The following KIAA1671 variants were observed in gnomAD, a reference collection of about 807,000 sequenced individuals.
KIAA1671 encodes the protein KIAA1671, also known as uncharacterized protein KIAA1671.
KIAA1671 carries 52 observed loss-of-function variants against 131.2 expected under a neutral mutation model. That is an observed-to-expected ratio of 0.40 (90% CI 0.32 to 0.50). The LOEUF is 0.50. Among genes scored for constraint, KIAA1671 ranks in the 20% least tolerant of loss-of-function variants. KIAA1671 has a pLI of 0.73. For synonymous variants in KIAA1671, 1,003 were observed against 961.6 expected (o/e 1.04, Z -0.80); for missense variants, 2,360 against 2,364.2 (o/e 1.00, Z 0.04).
intron 6 of KIAA1671, among the ~76,000 whole-genome samples, chr22:25,086,716 G>C (rs542618132): frequency 6.6e-6 from 1 of 152,258 alleles, no homozygotes; most frequent in East Asian, 1.9e-4. Context: ...ATCCCCCAAA[G>C]GCCGGCCAGA....
intron 1 of KIAA1671, among the ~76,000 whole-genome samples, chr22:24,958,088 A>T (rs1430211575): frequency 2.0e-5 from 3 of 151,342 alleles, no homozygotes; most frequent in East Asian, 3.9e-4. Context: ...CTGCGAGGTC[A>T]CGCAGCGGGA....
chr22:25,184,139 T>C (rs1354073598), intron 10 of KIAA1671, among the ~76,000 whole-genome samples: 1 of 151,994 alleles, frequency 6.6e-6, no homozygotes, highest in African/African-American at 2.4e-5. Context: ...CCAGGGGAGG[T>C]TGCAGGGCTT....
intron 5 of KIAA1671, among the ~76,000 whole-genome samples, chr22:25,044,994 A>G (rs1393492395): frequency 1.3e-5 from 2 of 152,184 alleles, no homozygotes; most frequent in Non-Finnish European, 2.9e-5. Flanking sequence ...CCCTGTCTCT[A>G]CTAAAACTAC....
At chr22:25,137,708 T>C (rs545188807) in intron 6 of KIAA1671, among the ~76,000 whole-genome samples, 23 of 152,234 alleles carry the variant, frequency 1.5e-4, no homozygotes, top group Non-Finnish European at 2.5e-4. Context: ...ATCACTGTTA[T>C]TTACCATTGT....
chr22:25,185,269 TC>T, intron 11 of KIAA1671, 150 bp downstream of exon 11: 4 of 900,424 alleles, frequency 4.4e-6, no homozygotes, highest in Non-Finnish European at 6.5e-6. Context: ...ATGAGAATTC[TC>T]AATACTCAGA....
At chr22:25,184,014 C>T (rs923371557) in intron 10 of KIAA1671, among the ~76,000 whole-genome samples, 1 of 152,240 alleles carries the variant, frequency 6.6e-6, no homozygotes, top group Non-Finnish European at 1.5e-5. Flanking sequence ...CTTGGGATTC[C>T]AGAACACAGC....
At position 25,041,012 on chromosome 22, in the gene KIAA1671, T is replaced by A; in HGVS notation, c.3882T>A (p.Pro1294=). 3.4e-6 allele frequency: 5 copies of A among 1,480,650 alleles called. No individual in the cohort carries two copies. The South Asian group carries it at 7.0e-5, about 21-fold the overall frequency. 91.7% of individuals were successfully genotyped at this position (1,480,650 alleles called of 1,614,324 possible). A position where few individuals can be genotyped will look rare whatever the true frequency, so the allele number is the denominator to read the frequency against. The change falls in exon 5 of 13, where the codon CCT becomes CCA. Residue 1294 remains proline (P), a synonymous_variant. Transcript: ENST00000358431. ...LETAMGTKSS[P]PFWALPPSAP... is the part of the protein sequence containing the mutation. Reference sequence around the variant, plus strand: ...CAGCCATGGGCACCAAATCTAGCCCTCCCTTCTGGGCTCTGCCACCCTCGG... The same window carrying A: ...CAGCCATGGGCACCAAATCTAGCCCACCCTTCTGGGCTCTGCCACCCTCGG...
intron 6 of KIAA1671, among the ~76,000 whole-genome samples, chr22:25,086,025 T>C (rs545115758): frequency 6.6e-6 from 1 of 152,310 alleles, no homozygotes; most frequent in Non-Finnish European, 1.5e-5. Flanking sequence ...ATGAATGTTA[T>C]GCTGAATGAA....
At chr22:25,098,406 C>G (rs1930493039) in intron 6 of KIAA1671, among the ~76,000 whole-genome samples, 4 of 152,126 alleles carry the variant, frequency 2.6e-5, no homozygotes, top group Admixed American at 2.6e-4. Context: ...ATAGCAGAGA[C>G]TAAGACATAG....
intron 1 of KIAA1671, among the ~76,000 whole-genome samples, chr22:24,985,303 G>C (rs977501107): frequency 2.0e-5 from 3 of 151,926 alleles, no homozygotes; most frequent in African/African-American, 4.8e-5. Context: ...AATTCCCTGT[G>C]GAGTGAAAGG....
rs1352959333 is a variant in KIAA1671, at chr22:25,028,735, A to G, written c.736A>G (p.Ile246Val). The G allele has an allele frequency of 1.9e-6, 3 of 1,551,124 alleles. No homozygotes were observed. Among genetic ancestry groups the G allele is most frequent in the South Asian group, 1.2e-5 (1 of 84,066 alleles). The part of the protein sequence containing the change: ...PRLKRRPVSA[I>V]FTESIQPQKP... ...CCTGAAGAGAAGGCCCGTGTCTGCC[A>G]TTTTCACGGAGTCCATTCAGCCTCA... Residue 246 changes from isoleucine (I) to valine (V), a missense_variant, in exon 3 of 13, where the codon ATT becomes GTT. Around this residue, in one of 3 missense-constraint regions of KIAA1671, gnomAD observed 1,185 missense variants for 1,126.2 expected, o/e 1.05. Transcript: ENST00000358431.
chr22:24,980,270 A>ATTTTTT (rs59392276), intron 1 of KIAA1671, among the ~76,000 whole-genome samples: 8 of 119,234 alleles, frequency 6.7e-5, no homozygotes, highest in African/African-American at 2.3e-4. Flanking sequence ...AGTTTCTTTG[A>ATTTTTT]TTTTTTTTTT....
intron 6 of KIAA1671, among the ~76,000 whole-genome samples, chr22:25,105,760 T>A (rs1233569427): frequency 1.3e-5 from 2 of 148,222 alleles, no homozygotes; most frequent in Admixed American, 6.7e-5. Context: ...TGGGCGCTTG[T>A]CGCCATCCAG....
At chr22:24,975,310 C>CTT (rs113950279) in intron 1 of KIAA1671, among the ~76,000 whole-genome samples, 3 of 139,154 alleles carry the variant, frequency 2.2e-5, no homozygotes, top group Admixed American at 1.4e-4. Flanking sequence ...ATCAGTGATT[C>CTT]TTTTTTTTTT....
At chr22:25,096,651 G>A (rs1468311625) in intron 6 of KIAA1671, among the ~76,000 whole-genome samples, 4 of 152,130 alleles carry the variant, frequency 2.6e-5, no homozygotes, top group Admixed American at 1.3e-4. Flanking sequence ...AATAAACAAC[G>A]TTTCAAGTGT....
intron 2 of KIAA1671, among the ~76,000 whole-genome samples, chr22:25,027,400 GCA>G (rs1926006422): frequency 6.6e-6 from 1 of 152,178 alleles, no homozygotes; most frequent in African/African-American, 2.4e-5. Context: ...TAGATGCTTA[GCA>G]CACACTTGTG....
At chr22:25,048,340 C>G (rs1927357141) in intron 5 of KIAA1671, among the ~76,000 whole-genome samples, 1 of 152,112 alleles carries the variant, frequency 6.6e-6, no homozygotes, top group African/African-American at 2.4e-5. Context: ...GAAGAGAGAT[C>G]CCAGAGGGAA....
At chr22:25,000,118 C>T (rs994287033) in intron 1 of KIAA1671, among the ~76,000 whole-genome samples, 2 of 149,074 alleles carry the variant, frequency 1.3e-5, no homozygotes, top group East Asian at 2.0e-4. Flanking sequence ...CTCCTGACCT[C>T]GTGATCCACC....
At chr22:25,179,789 C>T (rs1290661423) in intron 9 of KIAA1671, among the ~76,000 whole-genome samples, 2 of 152,192 alleles carry the variant, frequency 1.3e-5, no homozygotes, top group Admixed American at 1.3e-4. Context: ...CCTGTATTCT[C>T]TTTAGGTTTG....
Sources: allele counts gnomAD v4.1 joint callset (sites outside exome capture counted in the v4.1 genomes callset), GRCh38; gene constraint gnomAD v4.1.1; regional missense constraint gnomAD v4.1.1; transcripts MANE v1.5; gene names NCBI Gene and HGNC (gene_info 2026-07-23, HGNC 2026-07-21).